The following GRID2 variants were observed in gnomAD, a reference collection of about 807,000 sequenced individuals.
GRID2 encodes glutamate receptor ionotropic, delta-2.
GRID2 carries 33 observed loss-of-function variants against 114.8 expected under a neutral mutation model. That is an observed-to-expected ratio of 0.29 (90% CI 0.22 to 0.38). GRID2 has a LOEUF of 0.38. Ranked by LOEUF, GRID2 falls within the 10% of genes least tolerant of loss-of-function variation. The pLI, the probability that GRID2 is intolerant of heterozygous loss-of-function variation, is 1.00. For missense variants in GRID2, 1,184 were observed against 1,257.7 expected (o/e 0.94, Z 0.89); for synonymous variants, 505 against 449.9 (o/e 1.12, Z -1.55).
At chr4:92,985,360 C>A (rs1754447907) in intron 2 of GRID2, among the ~76,000 whole-genome samples, 1 of 151,518 alleles carries the variant, frequency 6.6e-6, no homozygotes, top group Non-Finnish European at 1.5e-5. Context: ...TGAGGACTGG[C>A]CTCAGCTGCG....
intron 1 of GRID2, among the ~76,000 whole-genome samples, chr4:92,418,743 G>C (rs1350847650): frequency 6.6e-6 from 1 of 151,970 alleles, no homozygotes; most frequent in Non-Finnish European, 1.5e-5. Flanking sequence ...CCCCTAAAAA[G>C]GACATTAGGT....
chr4:92,595,045 G>A (rs1259130083), intron 2 of GRID2, among the ~76,000 whole-genome samples: 3 of 151,940 alleles, frequency 2.0e-5, no homozygotes, highest in Non-Finnish European at 4.4e-5. Context: ...TAAGAAGGAA[G>A]TGAAGCATCA....
intron 7 of GRID2, among the ~76,000 whole-genome samples, chr4:93,230,558 T>C (rs565522593): frequency 6.6e-6 from 1 of 152,172 alleles, no homozygotes; most frequent in Non-Finnish European, 1.5e-5. Flanking sequence ...CAAGTCACAA[T>C]AAAGTTAATC....
chr4:93,514,966 A>C (rs1216947467), intron 12 of GRID2, among the ~76,000 whole-genome samples: 3 of 152,180 alleles, frequency 2.0e-5, no homozygotes, highest in Non-Finnish European at 4.4e-5. Flanking sequence ...AAAGCATTGC[A>C]TTACCACTAG....
At chr4:92,972,704 A>G (rs1297684703) in intron 2 of GRID2, among the ~76,000 whole-genome samples, 1 of 152,004 alleles carries the variant, frequency 6.6e-6, no homozygotes, top group African/African-American at 2.4e-5. Flanking sequence ...CTCATCACCC[A>G]GGTATTAAGC....
intron 1 of GRID2, among the ~76,000 whole-genome samples, chr4:92,310,053 G>A (rs1725616014): frequency 6.6e-6 from 1 of 151,922 alleles, no homozygotes; most frequent in East Asian, 1.9e-4. Context: ...CAACCATTGA[G>A]TTTTATGAAT....
intron 4 of GRID2, among the ~76,000 whole-genome samples, chr4:93,167,038 G>A (rs904768583): frequency 2.6e-5 from 4 of 152,076 alleles, no homozygotes; most frequent in Non-Finnish European, 5.9e-5. Flanking sequence ...GCATGGTGGC[G>A]GTGAGAGAGT....
intron 1 of GRID2, among the ~76,000 whole-genome samples, chr4:92,310,825 A>C (rs979571411): frequency 5.3e-5 from 8 of 152,062 alleles, no homozygotes; most frequent in African/African-American, 1.9e-4. Context: ...AATTGGGAGA[A>C]GAGATACAGT....
chr4:92,763,428 C>T (rs1436863331), intron 2 of GRID2, among the ~76,000 whole-genome samples: 2 of 152,082 alleles, frequency 1.3e-5, no homozygotes, highest in African/African-American at 4.8e-5. Context: ...CCAAATGTGG[C>T]TCAAACATAT....
At chr4:93,401,823 A>T (rs1765919833) in intron 9 of GRID2, among the ~76,000 whole-genome samples, 1 of 152,056 alleles carries the variant, frequency 6.6e-6, no homozygotes, top group Non-Finnish European at 1.5e-5. Flanking sequence ...CAAAGGAAGG[A>T]TTGTTTGCCT....
At chr4:93,140,856 T>TA (rs1383632424) in intron 4 of GRID2, among the ~76,000 whole-genome samples, 5 of 152,196 alleles carry the variant, frequency 3.3e-5, no homozygotes. Flanking sequence ...TAGAAAATAT[T>TA]AAGGTAATGC....
chr4:93,192,970 T>C (rs559257618), intron 4 of GRID2, among the ~76,000 whole-genome samples: 1 of 152,116 alleles, frequency 6.6e-6, no homozygotes, highest in African/African-American at 2.4e-5. Flanking sequence ...AAGAAACAAA[T>C]GAAAAGCAAA....
chr4:92,830,169 T>C (rs1477568048), intron 2 of GRID2, among the ~76,000 whole-genome samples: 1 of 151,362 alleles, frequency 6.6e-6, no homozygotes. Flanking sequence ...AACACTCCCA[T>C]ATTTTCTAAT....
intron 4 of GRID2, among the ~76,000 whole-genome samples, chr4:93,164,334 G>C (rs1170531535): frequency 6.6e-6 from 1 of 152,010 alleles, no homozygotes; most frequent in African/African-American, 2.4e-5. Flanking sequence ...GATGTAACGG[G>C]CTAAAGTGAG....
chr4:92,385,298 G>A (rs908379048), intron 1 of GRID2, among the ~76,000 whole-genome samples: 24 of 151,416 alleles, frequency 1.6e-4, no homozygotes, highest in African/African-American at 5.6e-4. Flanking sequence ...TTGATGCTGA[G>A]GAGTTTCTAC....
chr4:93,798,421 G>T (rs1313377914), intron 1 of GRID2, among the ~76,000 whole-genome samples: 1 of 151,992 alleles, frequency 6.6e-6, no homozygotes, highest in Non-Finnish European at 1.5e-5. Context: ...TGTCCTTAGG[G>T]GCCGCCTAGA....
chr4:93,032,922 T>C (rs1427023870), intron 2 of GRID2, among the ~76,000 whole-genome samples: 2 of 152,200 alleles, frequency 1.3e-5, no homozygotes, highest in African/African-American at 4.8e-5. Context: ...CAGGTCTTTC[T>C]ATCCTGAAAG....
intron 3 of GRID2, among the ~76,000 whole-genome samples, chr4:93,103,849 T>TTG (rs1731932499): frequency 6.6e-6 from 1 of 151,642 alleles, no homozygotes; most frequent in African/African-American, 2.4e-5. Context: ...TGTTTTTTTT[T>TTG]TTTGTTTGTT....
intron 14 of GRID2, among the ~76,000 whole-genome samples, chr4:93,678,391 G>A (rs1352541159): frequency 3.3e-5 from 5 of 152,132 alleles, no homozygotes; most frequent in Non-Finnish European, 7.3e-5. Flanking sequence ...AATCTAGCAA[G>A]GCAGGCCAAC....
Sources: gnomAD v4.1 joint callset for allele counts (sites outside exome capture counted in the v4.1 genomes callset) on GRCh38, gnomAD v4.1.1 for gene constraint, MANE v1.5 for transcripts, NCBI Gene and HGNC (gene_info 2026-07-23, HGNC 2026-07-21) for gene names.